Variants in KSR2 observed in about 807,000 individuals in gnomAD.
The protein encoded by KSR2 is kinase suppressor of ras 2.
A neutral mutation model predicts 107.8 loss-of-function variants in KSR2; 25 were observed. The ratio of observed to expected loss-of-function variants is 0.23; its 90% CI spans 0.17 to 0.32. KSR2 has a LOEUF of 0.32. KSR2 is among the 10% of genes least tolerant of loss of function. The pLI is 1.00. For synonymous variants in KSR2, 480 were observed against 507.0 expected, an observed-to-expected ratio of 0.95 and a Z score of 0.71; for missense variants, 887 against 1,268.9, an observed-to-expected ratio of 0.70 and a Z score of 4.57.
chr12:117,572,143 G>C (rs1311648448), intron 7 of KSR2, among the ~76,000 whole-genome samples: 1 of 152,176 alleles, frequency 6.6e-6, no homozygotes, highest in Non-Finnish European at 1.5e-5. Context: ...CCCAGTCCAA[G>C]CTTTTGCTCA....
intron 4 of KSR2, among the ~76,000 whole-genome samples, chr12:117,717,251 T>A (rs1300499774): frequency 2.0e-5 from 3 of 152,230 alleles, no homozygotes; most frequent in Non-Finnish European, 1.5e-5. Flanking sequence ...CCAGGTACAG[T>A]GGCTCATGCC....
intron 4 of KSR2, among the ~76,000 whole-genome samples, chr12:117,733,800 G>A (rs896621367): frequency 2.7e-5 from 4 of 149,148 alleles, no homozygotes; most frequent in Non-Finnish European, 4.4e-5. Flanking sequence ...CTCCTTACAA[G>A]GAAGGCTGGT....
rs1307801721 is a variant in KSR2, at chr12:117,465,246, T to G, written c.*1953A>C. The G allele has an allele frequency of 1.3e-5, 2 of 152,232 alleles. No individual in the cohort carries two copies. The highest frequency in any genetic ancestry group is 4.8e-5 in the African/African-American group (2 of 41,514). 9.4% of individuals were successfully genotyped at this position (152,232 alleles called of 1,614,324 possible). ...GGGAGGTGTCCATTGACAAGAGCCA[T>G]CCCCAGCAACCCCAGAGTGGCTGGG... On this transcript the variant is annotated 3_prime_UTR_variant, in exon 20 of 20. Coordinates refer to ENST00000339824, the MANE Select transcript of KSR2 (RefSeq NM_173598.6).
intron 4 of KSR2, among the ~76,000 whole-genome samples, chr12:117,759,933 C>A (rs548710605): frequency 2.5e-4 from 38 of 152,262 alleles, no homozygotes; most frequent in African/African-American, 8.4e-4. Flanking sequence ...CATGGTGAAA[C>A]CCTATCTCTA....
intron 5 of KSR2, among the ~76,000 whole-genome samples, chr12:117,649,336 A>G (rs1347829990): frequency 1.3e-5 from 2 of 152,120 alleles, no homozygotes; most frequent in Non-Finnish European, 2.9e-5. Flanking sequence ...CTTATTTTAC[A>G]TTTCAGATGT....
intron 5 of KSR2, among the ~76,000 whole-genome samples, chr12:117,606,873 A>C (rs1881308445): frequency 6.6e-6 from 1 of 151,928 alleles, no homozygotes; most frequent in Non-Finnish European, 1.5e-5. Context: ...GTGAAGATAC[A>C]GTCACAAATA....
At chr12:117,489,281 G>A (rs1200529990) in intron 14 of KSR2, among the ~76,000 whole-genome samples, 2 of 151,998 alleles carry the variant, frequency 1.3e-5, no homozygotes, top group Non-Finnish European at 2.9e-5. Context: ...TCATTGGGCT[G>A]TTCTTTTATG....
chr12:117,807,100 C>G (rs1463570045), intron 3 of KSR2, among the ~76,000 whole-genome samples: 1 of 152,200 alleles, frequency 6.6e-6, no homozygotes, highest in Non-Finnish European at 1.5e-5. Flanking sequence ...GCAGTGCCAC[C>G]AAGAAGCTGC....
chr12:117,701,811 G>A (rs1182271572), intron 4 of KSR2, among the ~76,000 whole-genome samples: 1 of 152,170 alleles, frequency 6.6e-6, no homozygotes, highest in African/African-American at 2.4e-5. Flanking sequence ...AAGGATTTCT[G>A]GAGCAACGGA....
chr12:117,800,754 C>T (rs539579625), intron 3 of KSR2, among the ~76,000 whole-genome samples: 8 of 151,996 alleles, frequency 5.3e-5, no homozygotes, highest in Non-Finnish European at 8.8e-5. Context: ...TCCCCTTTTC[C>T]CCCACCCCTC....
At chr12:117,844,331 C>T (rs1796933794) in intron 3 of KSR2, among the ~76,000 whole-genome samples, 2 of 152,030 alleles carry the variant, frequency 1.3e-5, no homozygotes. Context: ...CAGCTGAGCC[C>T]AGCCAATCCC....
intron 1 of KSR2, among the ~76,000 whole-genome samples, chr12:117,951,518 G>T (rs949640227): frequency 6.6e-6 from 1 of 152,140 alleles, no homozygotes; most frequent in Admixed American, 6.6e-5. Context: ...AGAAACACAT[G>T]ACTATTTCTG....
intron 7 of KSR2, among the ~76,000 whole-genome samples, chr12:117,574,144 GC>G (rs1206257803): frequency 6.6e-6 from 1 of 152,052 alleles, no homozygotes; most frequent in Non-Finnish European, 1.5e-5. Context: ...CTAGGAGTCT[GC>G]CCCAGAGGTA....
intron 8 of KSR2, 106 bp downstream of exon 8, chr12:117,558,400 G>A (rs757827384): frequency 2.7e-6 from 2 of 749,512 alleles, no homozygotes; most frequent in Middle Eastern, 2.7e-4. Flanking sequence ...GAAGTATGTG[G>A]GGATCAAGAG....
rs749494782 is a variant in KSR2 at position 117,539,747 on chromosome 12, T to C, written c.1659A>G (p.Thr553=). Residue 553 remains threonine (T), a synonymous_variant, in exon 10 of 20, where the codon ACA becomes ACG. Coordinates refer to ENST00000339824, the MANE Select transcript of KSR2 (RefSeq NM_173598.6). ...GCAGGTTGAAGTTCTTCTGCTGCCG[T>C]GTGCACTGTGGGGAAGGGTGTAGGG... is the stretch of plus-strand genomic sequence containing the variant. ...PSPLHPSPQC[T]RQQKNFNLPA... 1 of 1,606,024 alleles carries C rather than the reference T, an allele frequency of 6.2e-7. No individual in the cohort carries two copies. Among genetic ancestry groups the C allele is most frequent in the Non-Finnish European group, 8.5e-7 (1 of 1,177,016 alleles).
In KSR2 at chr12:117,562,990, C is replaced by T. The variant is rs972337233; in HGVS notation, c.1326-4417G>A. Among the ~76,000 whole-genome samples, 8 of 152,154 alleles carry T rather than the reference C, an allele frequency of 5.3e-5. No homozygotes were observed. In the South Asian group the frequency reaches 1.5e-3, roughly 28 times the overall value. ...CAGGATTAGACAAACCCTGAAATTA[C>T]ACAGACTCTGGAGACAGAGGGAAGA... On this transcript the variant is annotated intron_variant, in intron 7 of 19. Coordinates refer to ENST00000339824, the MANE Select transcript of KSR2 (RefSeq NM_173598.6).
intron 7 of KSR2, among the ~76,000 whole-genome samples, chr12:117,561,402 A>G (rs1565901114): frequency 2.0e-5 from 3 of 152,234 alleles, no homozygotes; most frequent in Admixed American, 1.3e-4. Flanking sequence ...AGTGCTTTAC[A>G]TCATTCATTT....
intron 5 of KSR2, among the ~76,000 whole-genome samples, chr12:117,636,342 A>AATAT (rs10540371): frequency 1.4e-4 from 21 of 149,308 alleles, no homozygotes; most frequent in African/African-American, 4.6e-4. Flanking sequence ...ATGTACTCCA[A>AATAT]ATATATATAT....
chr12:117,709,337 T>C (rs1354455806), intron 4 of KSR2, among the ~76,000 whole-genome samples: 1 of 152,040 alleles, frequency 6.6e-6, no homozygotes, highest in Non-Finnish European at 1.5e-5. Flanking sequence ...GCTATATGTT[T>C]TATTTTTGTT....
Sources: allele counts gnomAD v4.1 joint callset (sites outside exome capture counted in the v4.1 genomes callset), GRCh38; gene constraint gnomAD v4.1.1; transcripts MANE v1.5; gene names NCBI Gene and HGNC (gene_info 2026-07-23, HGNC 2026-07-21).